VASH1: variants seen among roughly 807,000 people sequenced by gnomAD.
The protein encoded by VASH1 is vasohibin 1.
Under a neutral mutation model 35.0 loss-of-function variants are expected in VASH1, and 16 were observed. The observed-to-expected ratio is 0.46, with a 90% CI of 0.31 to 0.70. VASH1 has a LOEUF of 0.70. Among genes scored for constraint, VASH1 ranks in the 30% least tolerant of loss-of-function variants. VASH1 has a pLI of 0.05. For synonymous variants in VASH1, 214 were observed against 200.9 expected (o/e 1.07, Z -0.55); for missense variants, 505 against 510.7 (o/e 0.99, Z 0.11).
rs1724830211 is a variant in VASH1 at position 76,761,594 on chromosome 14, G to A, written c.-1228G>A. Among the ~76,000 whole-genome samples, 1 of 151,990 alleles carries A rather than the reference G, an allele frequency of 6.6e-6. No homozygotes were observed. Among genetic ancestry groups the A allele is most frequent in the African/African-American group, 2.4e-5 (1 of 41,418 alleles). On this transcript the variant is annotated 5_prime_UTR_variant, in exon 1 of 7. Coordinates refer to ENST00000167106, the MANE Select transcript of VASH1 (RefSeq NM_014909.5). ...TTCGCCGAGCAGCGATCGGCTGGTGGGCTTCTCGTTGGCGGGCTCCGCGTT... is the reference window on the plus strand; with the variant it reads ...TTCGCCGAGCAGCGATCGGCTGGTGAGCTTCTCGTTGGCGGGCTCCGCGTT...
chr14:76,775,821 C>T (rs1893920573), intron 4 of VASH1, 71 bp from the exon 5 acceptor site: 2 of 1,476,768 alleles, frequency 1.4e-6, no homozygotes, highest in South Asian at 1.4e-5. Flanking sequence ...CCGTGGCTCC[C>T]GGTCCCAGTC....
rs895952760 is a variant in VASH1 at position 76,761,644 on chromosome 14, C to T, written c.-1178C>T. On this transcript the variant is annotated 5_prime_UTR_variant, in exon 1 of 7. Coordinates refer to ENST00000167106, the MANE Select transcript of VASH1 (RefSeq NM_014909.5). ...TGGCGGGCTGCTCCCCAGGCACCAGCGCAGCGCGCGCTCGCCCGGCTTCGT... is the reference window on the plus strand; with the variant it reads ...TGGCGGGCTGCTCCCCAGGCACCAGTGCAGCGCGCGCTCGCCCGGCTTCGT... Among the ~76,000 whole-genome samples, 1 of 151,932 alleles carries T rather than the reference C, an allele frequency of 6.6e-6. No homozygotes were observed. Among genetic ancestry groups the T allele is most frequent in the Admixed American group, 6.6e-5 (1 of 15,240 alleles).
intron 5 of VASH1, among the ~76,000 whole-genome samples, chr14:76,776,927 A>T (rs1262065389): frequency 6.6e-6 from 1 of 152,036 alleles, no homozygotes; most frequent in African/African-American, 2.4e-5. Context: ...CTCCGCCTCA[A>T]CCACCGACCT....
At position 76,779,227 on chromosome 14, in the gene VASH1, A is replaced by T; in HGVS notation, c.*209A>T. 1.4e-6 allele frequency: 1 copy of T among 692,230 alleles called. No homozygotes were observed. 42.9% of individuals were successfully genotyped at this position (692,230 alleles called of 1,614,324 possible). ...TGGGCCTAGAGGCCGTTAGTATTTT[A>T]TTTGGAGTTTTTAACTCTACAACTG... On this transcript the variant is annotated 3_prime_UTR_variant, in exon 7 of 7. Transcript: ENST00000167106.
intron 2 of VASH1, 22 bp downstream of exon 2, chr14:76,770,073 C>T (rs575859407): frequency 3.1e-6 from 5 of 1,606,526 alleles, no homozygotes; most frequent in South Asian, 1.1e-5. Flanking sequence ...GGTCAAGGGT[C>T]ATGGCCACCT....
intron 3 of VASH1, among the ~76,000 whole-genome samples, chr14:76,771,933 C>T (rs1236431988): frequency 6.6e-6 from 1 of 152,198 alleles, no homozygotes; most frequent in Non-Finnish European, 1.5e-5. Context: ...ACTTAAGACC[C>T]CTGGGCTTTA....
intron 1 of VASH1, among the ~76,000 whole-genome samples, chr14:76,765,956 T>A (rs1655895341): frequency 6.6e-6 from 1 of 152,172 alleles, no homozygotes; most frequent in Admixed American, 6.5e-5. Flanking sequence ...CATGTTCAAA[T>A]CCTTGATCTC....
chr14:76,767,244 C>CAATAAATAAATAAATAAATA (rs3059397), intron 1 of VASH1, among the ~76,000 whole-genome samples: 19 of 136,222 alleles, frequency 1.4e-4, no homozygotes, highest in African/African-American at 2.2e-4. Flanking sequence ...AACTCTGTCT[C>CAATAAATAAATAAATAAATA]AATAAATAAA....
rs1003526122 is a variant in VASH1, at chr14:76,779,612, C to T, written c.*594C>T. 2 of 620,272 alleles carry T rather than the reference C, an allele frequency of 3.2e-6. No homozygotes were observed. Among genetic ancestry groups the T allele is most frequent in the Non-Finnish European group, 5.8e-6 (2 of 347,046 alleles). 38.4% of individuals were successfully genotyped at this position (620,272 alleles called of 1,614,324 possible). On this transcript the variant is annotated 3_prime_UTR_variant, in exon 7 of 7. Coordinates refer to ENST00000167106, the MANE Select transcript of VASH1 (RefSeq NM_014909.5). ...GCCACATCTGCCCCAAGAGCATGAGCTCGTGGCTCAGGAGAGCCTTCAGGC... is the reference window on the plus strand; with the variant it reads ...GCCACATCTGCCCCAAGAGCATGAGTTCGTGGCTCAGGAGAGCCTTCAGGC...
At chr14:76,764,555 A>T (rs1327919362) in intron 1 of VASH1, among the ~76,000 whole-genome samples, 2 of 152,174 alleles carry the variant, frequency 1.3e-5, no homozygotes, top group South Asian at 4.1e-4. Context: ...GGCCTCTTCC[A>T]CCTATTTGAG....
chr14:76,766,918 TA>T (rs1893657426), intron 1 of VASH1, among the ~76,000 whole-genome samples: 1 of 152,106 alleles, frequency 6.6e-6, no homozygotes, highest in East Asian at 1.9e-4. Context: ...GCCCACTTTA[TA>T]AATGAAGTGT....
At chr14:76,769,508 G>A in intron 1 of VASH1, 2 of 1,287,334 alleles carry the variant, frequency 1.6e-6, no homozygotes, top group Non-Finnish European at 2.0e-6. Flanking sequence ...CCCCCCTCAG[G>A]ACCACTCCCA....
chr14:76,763,105 T>A lies in VASH1; in HGVS notation c.284T>A (p.Ile95Asn). Residue 95 changes from isoleucine (I) to asparagine (N), a missense_variant, in exon 1 of 7, where the codon ATC becomes AAC. Physicochemically the swap from Ile to Asn is moderately radical, Grantham distance 149. Coordinates refer to ENST00000167106, the MANE Select transcript of VASH1 (RefSeq NM_014909.5). ...HPDGEKVAQR[I>N]RGATDLPKIP... Reference sequence around the variant, plus strand: ...GATGGAGAGAAGGTGGCGCAACGGATCCGTGGGGCCACAGACCTGCCCAAG... The same window carrying A: ...GATGGAGAGAAGGTGGCGCAACGGAACCGTGGGGCCACAGACCTGCCCAAG... 1 of 1,493,372 alleles carries A rather than the reference T, an allele frequency of 6.7e-7. No homozygotes were observed. Among genetic ancestry groups the A allele is most frequent in the Non-Finnish European group, 9.0e-7 (1 of 1,115,032 alleles). 92.5% of individuals were successfully genotyped at this position (1,493,372 alleles called of 1,614,324 possible). A position where few individuals can be genotyped will look rare whatever the true frequency, so the allele number is the denominator to read the frequency against.
intron 1 of VASH1, among the ~76,000 whole-genome samples, chr14:76,766,686 C>T (rs1190255189): frequency 6.6e-6 from 1 of 152,178 alleles, no homozygotes; most frequent in African/African-American, 2.4e-5. Context: ...AAGCCATCCT[C>T]CCGCCTCAGC....
chr14:76,769,891 C>A (rs1893744199), intron 1 of VASH1, 72 bp from the exon 2 acceptor site: 2 of 1,525,716 alleles, frequency 1.3e-6, no homozygotes, highest in Non-Finnish European at 1.8e-6. Context: ...GGGGCCAGTC[C>A]TAGGTGTTTG....
At position 76,780,341 on chromosome 14, in the gene VASH1, A is replaced by G. The variant is rs1049114017; in HGVS notation, c.*1323A>G. On this transcript the variant is annotated 3_prime_UTR_variant, in exon 7 of 7. Coordinates refer to ENST00000167106, the MANE Select transcript of VASH1 (RefSeq NM_014909.5). ...CTGCTTGAGGAGTAATGGGTTACCT[A>G]CAGCAGAGACGAGATGGCTGTTTGT... 1.3e-5 allele frequency: 2 copies of G among 152,432 alleles called. No individual in the cohort carries two copies. The highest frequency in any genetic ancestry group is 2.1e-4 in the South Asian group (1 of 4,836). 9.4% of individuals were successfully genotyped at this position (152,432 alleles called of 1,614,324 possible).
chr14:76,762,936 G>A lies in VASH1; in HGVS notation c.115G>A (p.Ala39Thr). 1 of 1,572,112 alleles carries A rather than the reference G, an allele frequency of 6.4e-7. No homozygotes were observed. Among genetic ancestry groups the A allele is most frequent in the Non-Finnish European group, 8.6e-7 (1 of 1,159,366 alleles). ...TTTGGAGACCAGCGAAGGAACCTCA[G>A]CCCAGAGAGATGAGGAGCCAGAAGA... ...RRLETSEGTS[A>T]QRDEEPEEEG... Residue 39 changes from alanine (A) to threonine (T), a missense_variant, in exon 1 of 7, where the codon GCC (alanine) becomes ACC (threonine). Coordinates refer to ENST00000167106, the MANE Select transcript of VASH1 (RefSeq NM_014909.5).
chr14:76,769,785 G>A (rs988572941), intron 1 of VASH1, 178 bp from the exon 2 acceptor site: 1 of 688,862 alleles, frequency 1.5e-6, no homozygotes, highest in Non-Finnish European at 2.5e-6. Flanking sequence ...GCTGGGCTGG[G>A]GCCCTGGCAA....
Position 76,778,976 on chromosome 14 carries a change from C to G in VASH1, c.1056C>G (p.Pro352=). 1 of 1,614,174 alleles carries G rather than the reference C, an allele frequency of 6.2e-7. No homozygotes were observed. The highest frequency in any genetic ancestry group is 8.5e-7 in the Non-Finnish European group (1 of 1,180,028). Residue 352 remains proline (P), a synonymous_variant, in exon 7 of 7, where the codon CCC becomes CCG. Coordinates refer to ENST00000167106, the MANE Select transcript of VASH1 (RefSeq NM_014909.5). ...RPSGDKKTSE[P]KAMPDLNGYQ... ...CGGGTGACAAGAAGACTTCCGAGCC[C>G]AAAGCCATGCCAGACCTTAACGGGT... is the stretch of plus-strand genomic sequence containing the variant.
Sources: gnomAD v4.1 joint callset for allele counts (sites outside exome capture counted in the v4.1 genomes callset) on GRCh38, gnomAD v4.1.1 for gene constraint, MANE v1.5 for transcripts, NCBI Gene and HGNC (gene_info 2026-07-23, HGNC 2026-07-21) for gene names.